WDFY2: variants seen among roughly 807,000 people sequenced by gnomAD.
The protein encoded by WDFY2 is WD repeat and FYVE domain containing 2, also known as WD repeat and FYVE domain-containing protein 2.
WDFY2 carries 36 observed loss-of-function variants against 56.4 expected under a neutral mutation model. That is an observed-to-expected ratio of 0.64 (90% confidence interval 0.49 to 0.84). The LOEUF is 0.84. Ranked by LOEUF, WDFY2 falls within the 40% of genes least tolerant of loss-of-function variation. WDFY2 has a pLI of 0.00. For synonymous variants in WDFY2, 176 were observed against 183.7 expected (o/e 0.96, Z 0.34); for missense variants, 444 against 512.2 (o/e 0.87, Z 1.29).
Position 51,719,268 on chromosome 13 carries a change from C to G in WDFY2, c.405C>G (p.Asp135Glu), listed in dbSNP as rs114786928. ...AGTGGGTGCTGAGCACAGGACAGGA[C>G]AAGCAATTTGCCTGGCACTGCTCTG... is the stretch of plus-strand genomic sequence containing the variant. The part of the protein sequence containing the change: ...ELEWVLSTGQ[D>E]KQFAWHCSES... Residue 135 changes from aspartate (D) to glutamate (E), a missense_variant, in exon 5 of 12, where the codon GAC becomes GAG. Transcript: ENST00000298125. The G allele has an allele frequency of 2.2e-5, 35 of 1,614,032 alleles. No individual in the cohort carries two copies. The highest frequency in any genetic ancestry group is 2.7e-5 in the Non-Finnish European group (32 of 1,180,008).
intron 2 of WDFY2, among the ~76,000 whole-genome samples, chr13:51,661,187 G>T (rs1465993650): frequency 1.3e-5 from 2 of 152,102 alleles, no homozygotes; most frequent in Non-Finnish European, 2.9e-5. Context: ...ATAAATAATG[G>T]ATCTTCCAAG....
At chr13:51,695,872 C>CTGG (rs1214620710) in intron 3 of WDFY2, among the ~76,000 whole-genome samples, 1 of 152,218 alleles carries the variant, frequency 6.6e-6, no homozygotes, top group Non-Finnish European at 1.5e-5. Flanking sequence ...CTAAGCAAGC[C>CTGG]TGGACAATGG....
chr13:51,759,777 C>T lies in WDFY2; in HGVS notation c.*8C>T, dbSNP rs1394680912. The T allele has an allele frequency of 6.2e-7, 1 of 1,613,386 alleles. No individual in the cohort carries two copies. Among genetic ancestry groups the T allele is most frequent in the Non-Finnish European group, 8.5e-7 (1 of 1,179,532 alleles). ...ACCCCAGTCGTGTCTTGATGACTCT[C>T]CCAGGAATCAGAAAGATAGTATTTA... On this transcript the variant is annotated 3_prime_UTR_variant, in exon 12 of 12. Coordinates refer to ENST00000298125, the MANE Select transcript of WDFY2 (RefSeq NM_052950.4).
At chr13:51,669,611 CCTGTA>C (rs776795876) in intron 2 of WDFY2, among the ~76,000 whole-genome samples, 3 of 151,982 alleles carry the variant, frequency 2.0e-5, no homozygotes, top group Non-Finnish European at 2.9e-5. Context: ...GAAGATGAGT[CCTGTA>C]CTATTTACCA....
At chr13:51,637,332 G>T (rs1955072777) in intron 1 of WDFY2, among the ~76,000 whole-genome samples, 1 of 152,108 alleles carries the variant, frequency 6.6e-6, no homozygotes, top group Non-Finnish European at 1.5e-5. Flanking sequence ...AAAATGATAA[G>T]ATCATGTTTT....
chr13:51,590,525 A>T (rs1954022594), intron 1 of WDFY2: 1 of 152,194 alleles, frequency 6.6e-6, no homozygotes, highest in Non-Finnish European at 1.5e-5. Flanking sequence ...GGCATTTAGA[A>T]ATCAATAAGT....
chr13:51,653,516 T>C (rs1226460585), intron 1 of WDFY2, among the ~76,000 whole-genome samples: 1 of 152,212 alleles, frequency 6.6e-6, no homozygotes, highest in Non-Finnish European at 1.5e-5. Flanking sequence ...CTCTGTTTTT[T>C]CCCCATCTTT....
At chr13:51,683,349 C>A (rs1403828499) in intron 3 of WDFY2, among the ~76,000 whole-genome samples, 1 of 152,216 alleles carries the variant, frequency 6.6e-6, no homozygotes, top group East Asian at 1.9e-4. Flanking sequence ...CTTTTCTTAA[C>A]CATTTCCATC....
intron 1 of WDFY2, among the ~76,000 whole-genome samples, chr13:51,623,533 C>G (rs1180388986): frequency 6.6e-6 from 1 of 152,068 alleles, no homozygotes; most frequent in African/African-American, 2.4e-5. Flanking sequence ...AAAAAAATCT[C>G]CATTTTTTAA....
rs531842861 is a variant in WDFY2, at chr13:51,753,405, T to C, written c.832-1953T>C. Among the ~76,000 whole-genome samples the C allele has an allele frequency of 2.7e-4, 41 of 152,342 alleles. 1 individual carries two copies. The Middle Eastern group carries it at 0.024, about 88-fold the overall frequency. The stretch of plus-strand genomic sequence containing the variant: ...GTTTTATACAGTTAATGAAATCCAT[T>C]TTTGTTTTGTTAACTTTTAGCATTT... On this transcript the variant is annotated intron_variant, in intron 8 of 11. Coordinates refer to ENST00000298125, the MANE Select transcript of WDFY2 (RefSeq NM_052950.4).
intron 1 of WDFY2, among the ~76,000 whole-genome samples, chr13:51,636,835 G>A (rs1259708733): frequency 2.6e-5 from 4 of 152,218 alleles, no homozygotes; most frequent in African/African-American, 7.2e-5. Context: ...CGGCAACTCC[G>A]TGGAGAAAGA....
At chr13:51,631,739 G>A (rs564899329) in intron 1 of WDFY2, among the ~76,000 whole-genome samples, 63 of 152,238 alleles carry the variant, frequency 4.1e-4, no homozygotes, top group Non-Finnish European at 8.1e-4. Flanking sequence ...ATGTTGCCCA[G>A]GCTGGTTTTG....
chr13:51,590,311 T>C (rs1954019288), intron 1 of WDFY2: 1 of 152,228 alleles, frequency 6.6e-6, no homozygotes, highest in Non-Finnish European at 1.5e-5. Flanking sequence ...ATCATAGGAT[T>C]TAAGTAGCTA....
chr13:51,758,059 A>T (rs1452341727), intron 10 of WDFY2, 133 bp from the exon 11 acceptor site: 2 of 466,486 alleles, frequency 4.3e-6, no homozygotes, highest in Non-Finnish European at 8.0e-6. Flanking sequence ...ATAAAGGCAG[A>T]TCTGAGGAGC....
chr13:51,721,865 A>G (rs1952498208), intron 5 of WDFY2, among the ~76,000 whole-genome samples: 1 of 152,098 alleles, frequency 6.6e-6, no homozygotes. Flanking sequence ...TGACTTTTCT[A>G]AGGCTGGAAG....
At chr13:51,645,533 TC>T (rs1311452606) in intron 1 of WDFY2, among the ~76,000 whole-genome samples, 11 of 152,118 alleles carry the variant, frequency 7.2e-5, no homozygotes, top group Non-Finnish European at 1.6e-4. Context: ...CCCCCAGCCT[TC>T]CCTTTTCTCT....
intron 2 of WDFY2, among the ~76,000 whole-genome samples, chr13:51,665,203 A>G (rs541850191): frequency 6.6e-6 from 1 of 152,340 alleles, no homozygotes; most frequent in African/African-American, 2.4e-5. Context: ...GCTGATTTTT[A>G]TGGATGAATG....
At chr13:51,647,220 A>C (rs1955278882) in intron 1 of WDFY2, among the ~76,000 whole-genome samples, 1 of 152,216 alleles carries the variant, frequency 6.6e-6, no homozygotes, top group Non-Finnish European at 1.5e-5. Flanking sequence ...GTGGGGATAC[A>C]TTCTGAGACA....
At chr13:51,662,312 T>C (rs1955630214) in intron 2 of WDFY2, among the ~76,000 whole-genome samples, 1 of 152,148 alleles carries the variant, frequency 6.6e-6, no homozygotes, top group Non-Finnish European at 1.5e-5. Flanking sequence ...TTTCTGGTCT[T>C]GCTTCTTCAT....
Sources: allele counts gnomAD v4.1 joint callset (sites outside exome capture counted in the v4.1 genomes callset), GRCh38; gene constraint gnomAD v4.1.1; transcripts MANE v1.5; gene names NCBI Gene and HGNC (gene_info 2026-07-23, HGNC 2026-07-21).